FLT1: variants seen among roughly 807,000 people sequenced by gnomAD.
FLT1 encodes the protein fms related receptor tyrosine kinase 1.
Under a neutral mutation model 156.3 loss-of-function variants are expected in FLT1, and 49 were observed. That is an observed-to-expected ratio of 0.31 (90% CI 0.25 to 0.40). The LOEUF is 0.40. FLT1 is among the 10% of genes least tolerant of loss of function. The pLI, the probability that FLT1 is intolerant of heterozygous loss-of-function variation, is 1.00. For missense variants in FLT1, 1,322 were observed against 1,637.2 expected (o/e 0.81, Z 3.32); for synonymous variants, 594 against 583.8 (o/e 1.02, Z -0.25).
At chr13:28,469,854 A>G (rs1880051539) in intron 1 of FLT1, among the ~76,000 whole-genome samples, 1 of 152,002 alleles carries the variant, frequency 6.6e-6, no homozygotes, top group African/African-American at 2.4e-5. Context: ...GCCAGGTTCA[A>G]GCGATTCTCG....
At chr13:28,326,401 G>A (rs1306306320) in intron 20 of FLT1, among the ~76,000 whole-genome samples, 1 of 151,924 alleles carries the variant, frequency 6.6e-6, no homozygotes, top group Non-Finnish European at 1.5e-5. Flanking sequence ...GGTTAATAAT[G>A]TTGAATCACT....
chr13:28,423,076 G>A (rs965857717), intron 10 of FLT1, among the ~76,000 whole-genome samples: 6 of 152,184 alleles, frequency 3.9e-5, no homozygotes, highest in Non-Finnish European at 8.8e-5. Context: ...TCCTTGGGGG[G>A]TTTACTCGTA....
intron 11 of FLT1, among the ~76,000 whole-genome samples, chr13:28,397,713 A>T (rs1875138002): frequency 6.7e-6 from 1 of 148,950 alleles, no homozygotes. Context: ...TGCTCAAATA[A>T]TGTGGCATGC....
intron 6 of FLT1, among the ~76,000 whole-genome samples, chr13:28,431,691 C>T (rs1238026043): frequency 6.6e-6 from 1 of 151,946 alleles, no homozygotes; most frequent in Non-Finnish European, 1.5e-5. Context: ...ATCTAGTGTC[C>T]TTCCTCTGGC....
In FLT1 at chr13:28,494,886, C is replaced by A; in HGVS notation, c.-43G>T. 2.0e-6 allele frequency: 3 copies of A among 1,479,248 alleles called. No homozygotes were observed. Among genetic ancestry groups the A allele is most frequent in the East Asian group, 2.8e-5 (1 of 35,948 alleles). The allele number at this position is 1,479,248 out of a possible 1,614,324, so 91.6% of individuals were successfully genotyped here. ...CTGCTCGCCCGGTGCCCGCGCTCCC[C>A]GCGGCCAACGACCCGGCCGCCAGAG... On this transcript the variant is annotated 5_prime_UTR_variant, in exon 1 of 30. Transcript: ENST00000282397.
chr13:28,494,872 G>A lies in FLT1; in HGVS notation c.-29C>T, dbSNP rs1312923846. ...GAGCGCGACGCGGCCTGCTCGCCCG[G>A]TGCCCGCGCTCCCCGCGGCCAACGA... On this transcript the variant is annotated 5_prime_UTR_variant, in exon 1 of 30. Coordinates refer to ENST00000282397, the MANE Select transcript of FLT1 (RefSeq NM_002019.4). The A allele has an allele frequency of 7.3e-6, 11 of 1,514,256 alleles. No individual in the cohort carries two copies. Among genetic ancestry groups the A allele is most frequent in the Non-Finnish European group, 5.3e-6 (6 of 1,135,396 alleles). The allele number at this position is 1,514,256 out of a possible 1,614,324, so 93.8% of individuals were successfully genotyped here.
Position 28,494,880 on chromosome 13 carries a change from G to C in FLT1, c.-37C>G, listed in dbSNP as rs1210189161. On this transcript the variant is annotated 5_prime_UTR_variant, in exon 1 of 30. Coordinates refer to ENST00000282397, the MANE Select transcript of FLT1 (RefSeq NM_002019.4). ...CGCGGCCTGCTCGCCCGGTGCCCGC[G>C]CTCCCCGCGGCCAACGACCCGGCCG... 9.4e-6 allele frequency: 14 copies of C among 1,495,308 alleles called. No homozygotes were observed. The highest frequency in any genetic ancestry group is 1.2e-5 in the Non-Finnish European group (14 of 1,122,362). 92.6% of individuals were successfully genotyped at this position (1,495,308 alleles called of 1,614,324 possible). A position where few individuals can be genotyped will look rare whatever the true frequency, so the allele number is the denominator to read the frequency against.
chr13:28,378,903 TATTAAGATATTATAAAATAA>T (rs1873958848), intron 14 of FLT1, among the ~76,000 whole-genome samples: 1 of 152,124 alleles, frequency 6.6e-6, no homozygotes, highest in South Asian at 2.1e-4. Context: ...AGAGAAGACA[TATTAAGATATTATAAAATAA>T]ACACATGTAA....
chr13:28,308,485 C>G (rs981532752), intron 28 of FLT1: 1 of 343,504 alleles, frequency 2.9e-6, no homozygotes, highest in Non-Finnish European at 5.6e-6. Context: ...GGAACGCGCT[C>G]TCTGTTACAT....
intron 13 of FLT1, chr13:28,386,814 A>T: frequency 6.7e-6 from 7 of 1,052,388 alleles, no homozygotes; most frequent in Non-Finnish European, 8.0e-6. Flanking sequence ...TCGCTTTTAC[A>T]GTGGCAAGCC....
chr13:28,460,760 C>T (rs1879527012), intron 3 of FLT1, among the ~76,000 whole-genome samples: 1 of 145,050 alleles, frequency 6.9e-6, no homozygotes, highest in Non-Finnish European at 1.5e-5. Context: ...ATTATGCTAA[C>T]TTTCACAAAA....
chr13:28,363,561 T>G (rs956617148), intron 14 of FLT1, among the ~76,000 whole-genome samples: 1 of 152,196 alleles, frequency 6.6e-6, no homozygotes, highest in South Asian at 2.1e-4. Context: ...ACAGGTATTA[T>G]AGATTATATA....
At chr13:28,340,134 G>A (rs1433019547) in intron 16 of FLT1, among the ~76,000 whole-genome samples, 1 of 151,816 alleles carries the variant, frequency 6.6e-6, no homozygotes, top group African/African-American at 2.4e-5. Context: ...AGAGCTGCTT[G>A]AACCCAGGAG....
intron 11 of FLT1, 49 bp downstream of exon 11, chr13:28,405,731 A>C: frequency 1.0e-6 from 1 of 1,004,544 alleles, no homozygotes; most frequent in Non-Finnish European, 1.6e-6. Flanking sequence ...GGGAGCTGAG[A>C]GTGTATTTGT....
At chr13:28,455,173 C>T (rs1879190284) in intron 3 of FLT1, among the ~76,000 whole-genome samples, 1 of 152,032 alleles carries the variant, frequency 6.6e-6, no homozygotes, top group African/African-American at 2.4e-5. Flanking sequence ...TATGGAGAGG[C>T]AAAAGACCCA....
Position 28,300,550 on chromosome 13 carries a change from CACACACAT to C in FLT1, c.*2609_*2616del, listed in dbSNP as rs1382760627. 6.4e-4 allele frequency: 149 copies of C among 231,638 alleles called. No individual in the cohort carries two copies. The East Asian group carries it at 7.2e-3, about 11-fold the overall frequency. The allele number at this position is 231,638 out of a possible 1,614,324, so 14.3% of individuals were successfully genotyped here. On this transcript the variant is annotated 3_prime_UTR_variant, in exon 30 of 30. Transcript: ENST00000282397. ...ACACACACACACACACACACACACACACACACATACAGTTACACCACTGTCGGCCAAAG... is the reference window on the plus strand; with the variant it reads ...ACACACACACACACACACACACACACACAGTTACACCACTGTCGGCCAAAG...
At position 28,319,061 on chromosome 13, in the gene FLT1, G is replaced by A. The variant is rs142000437; in HGVS notation, c.3286+362C>T. Among the ~76,000 whole-genome samples the A allele has an allele frequency of 2.2e-3, 332 of 152,248 alleles. 1 individual carries two copies. Among genetic ancestry groups the A allele is most frequent in the African/African-American group, 7.5e-3 (310 of 41,536 alleles). On this transcript the variant is annotated intron_variant, in intron 24 of 29. Coordinates refer to ENST00000282397, the MANE Select transcript of FLT1 (RefSeq NM_002019.4). ...GAAATTCTGAGGTGGTGGGAGACGC[G>A]GGGAGGGAAGCGGTAAGGGCATTAG...
chr13:28,444,242 G>A (rs1349291469), intron 3 of FLT1, among the ~76,000 whole-genome samples: 1 of 152,116 alleles, frequency 6.6e-6, no homozygotes. Context: ...AGGAATTCAA[G>A]ACCAGCCTGG....
chr13:28,405,734 G>T, intron 11 of FLT1, 46 bp downstream of exon 11: 1 of 1,027,082 alleles, frequency 9.7e-7, no homozygotes, highest in South Asian at 1.3e-5. Context: ...AGCTGAGAGT[G>T]TATTTGTGGA....
Sources: gnomAD v4.1 joint callset for allele counts (sites outside exome capture counted in the v4.1 genomes callset) on GRCh38, gnomAD v4.1.1 for gene constraint, MANE v1.5 for transcripts, NCBI Gene and HGNC (gene_info 2026-07-23, HGNC 2026-07-21) for gene names.